RPGRIP1L: variants seen among roughly 807,000 people sequenced by gnomAD.
RPGRIP1L encodes RPGRIP1 like.
In RPGRIP1L, 131 loss-of-function variants were observed where a neutral mutation model predicts 160.4. That is an observed-to-expected ratio of 0.82 (90% CI 0.71 to 0.94). The LOEUF is 0.94. RPGRIP1L is among the 40% of genes least tolerant of loss of function. The pLI, the probability that RPGRIP1L is intolerant of heterozygous loss-of-function variation, is 0.00. For missense variants in RPGRIP1L, 1,522 were observed against 1,535.8 expected (o/e 0.99, Z 0.15); for synonymous variants, 510 against 515.8 (o/e 0.99, Z 0.15).
In RPGRIP1L at chr16:53,700,775, C is replaced by A. The variant is rs376431872; in HGVS notation, c.-7-45G>T. The A allele has an allele frequency of 4.7e-5, 68 of 1,434,562 alleles. No homozygotes were observed. In the African/African-American group the frequency reaches 6.4e-4, roughly 13 times the overall value. 88.9% of individuals were successfully genotyped at this position (1,434,562 alleles called of 1,614,324 possible). On this transcript the variant is annotated intron_variant, in intron 1 of 26. Coordinates refer to ENST00000647211, the MANE Select transcript of RPGRIP1L (RefSeq NM_015272.5). ...CAAATAAACTCTTTCCAAATTATTA[C>A]ATTAACTATGCAATGGAATGAACCA...
At chr16:53,641,704 T>C (rs773331790) in intron 17 of RPGRIP1L, among the ~76,000 whole-genome samples, 1 of 152,166 alleles carries the variant, frequency 6.6e-6, no homozygotes, top group African/African-American at 2.4e-5. Flanking sequence ...ATCTCTCAAG[T>C]AGATCTCCTT....
intron 9 of RPGRIP1L, among the ~76,000 whole-genome samples, chr16:53,665,668 AG>A (rs1968183823): frequency 6.6e-6 from 1 of 152,232 alleles, no homozygotes; most frequent in Non-Finnish European, 1.5e-5. Context: ...CCTCAATAAA[AG>A]TACAGCAGTT....
At chr16:53,670,841 T>C (rs1968656247) in intron 9 of RPGRIP1L, among the ~76,000 whole-genome samples, 1 of 152,146 alleles carries the variant, frequency 6.6e-6, no homozygotes, top group Admixed American at 6.5e-5. Context: ...ACCCCTGTAA[T>C]CTCAGCACTT....
chr16:53,653,779 A>T (rs551004581), intron 14 of RPGRIP1L, among the ~76,000 whole-genome samples: 14 of 152,112 alleles, frequency 9.2e-5, no homozygotes, highest in Non-Finnish European at 1.9e-4. Context: ...ACATATTCTC[A>T]TGAGTGATCT....
intron 6 of RPGRIP1L, among the ~76,000 whole-genome samples, chr16:53,685,460 C>T (rs1016913620): frequency 6.6e-6 from 1 of 152,090 alleles, no homozygotes; most frequent in South Asian, 2.1e-4. Flanking sequence ...GACCTAAATG[C>T]CCATCAATGA....
chr16:53,687,274 G>T (rs1970085937), intron 5 of RPGRIP1L, among the ~76,000 whole-genome samples: 2 of 152,088 alleles, frequency 1.3e-5, no homozygotes, highest in Non-Finnish European at 2.9e-5. Context: ...TCCAGGTGAA[G>T]GCTTAAAGTG....
At chr16:53,606,288 A>G (rs1306281105) in intron 25 of RPGRIP1L, among the ~76,000 whole-genome samples, 2 of 152,262 alleles carry the variant, frequency 1.3e-5, no homozygotes, top group Non-Finnish European at 2.9e-5. Flanking sequence ...TGCGGAGGCC[A>G]AATGCACTTG....
At chr16:53,651,864 A>G (rs1442562306) in intron 15 of RPGRIP1L, among the ~76,000 whole-genome samples, 1 of 151,942 alleles carries the variant, frequency 6.6e-6, no homozygotes, top group Non-Finnish European at 1.5e-5. Context: ...TAATAATTTC[A>G]TAAATAGCTT....
In RPGRIP1L at chr16:53,650,466, G is replaced by A. The variant is rs190765844; in HGVS notation, c.2153-1351C>T. On this transcript the variant is annotated intron_variant, in intron 15 of 26. Coordinates refer to ENST00000647211, the MANE Select transcript of RPGRIP1L (RefSeq NM_015272.5). ...AAGCTGGGTGTAGTGGCTCATGCCT[G>A]TAATCCCAGCACTTTGGGAGACTGA... is the stretch of plus-strand genomic sequence containing the variant. Among the ~76,000 whole-genome samples the A allele has an allele frequency of 2.2e-3, 332 of 152,292 alleles. 1 individual carries two copies. The highest frequency in any genetic ancestry group is 7.8e-3 in the African/African-American group (325 of 41,554).
chr16:53,689,986 C>A (rs1194210769), intron 4 of RPGRIP1L, among the ~76,000 whole-genome samples: 1 of 152,120 alleles, frequency 6.6e-6, no homozygotes, highest in Admixed American at 6.5e-5. Flanking sequence ...AGCAAACTCT[C>A]CTGTCTGAAC....
chr16:53,667,162 C>G (rs1344470158), intron 9 of RPGRIP1L, among the ~76,000 whole-genome samples: 1 of 152,124 alleles, frequency 6.6e-6, no homozygotes, highest in Non-Finnish European at 1.5e-5. Flanking sequence ...AGTCTTTGTA[C>G]ACATTTCACT....
At chr16:53,646,993 C>T (rs1324863832) in intron 16 of RPGRIP1L, among the ~76,000 whole-genome samples, 1 of 143,046 alleles carries the variant, frequency 7.0e-6, no homozygotes, top group African/African-American at 2.6e-5. Flanking sequence ...AAAGTACCTC[C>T]ACTTCTCCCC....
At position 53,600,834 on chromosome 16, in the gene RPGRIP1L, G is replaced by A. The variant is rs1963347446; in HGVS notation, c.*1242C>T. On this transcript the variant is annotated 3_prime_UTR_variant, in exon 27 of 27. Coordinates refer to ENST00000647211, the MANE Select transcript of RPGRIP1L (RefSeq NM_015272.5). Reference sequence around the variant, plus strand: ...AATGCCTAATTCTCTAAATGAAATGGTCTGTGATCACTGAAGCAGAGATTT... The same window carrying A: ...AATGCCTAATTCTCTAAATGAAATGATCTGTGATCACTGAAGCAGAGATTT... 6.6e-6 allele frequency: 1 copy of A among 152,526 alleles called. No individual in the cohort carries two copies. The highest frequency in any genetic ancestry group is 2.1e-4 in the South Asian group (1 of 4,820). The allele number at this position is 152,526 out of a possible 1,614,324, so 9.4% of individuals were successfully genotyped here. A position where few individuals can be genotyped will look rare whatever the true frequency, so the allele number is the denominator to read the frequency against.
chr16:53,638,529 C>T (rs1965988899), intron 19 of RPGRIP1L, 118 bp from the exon 20 acceptor site: 4 of 582,902 alleles, frequency 6.9e-6, no homozygotes, highest in South Asian at 6.8e-5. Flanking sequence ...AACAGTTACT[C>T]ATATGACACT....
In RPGRIP1L at chr16:53,616,624, T is replaced by TA. The variant is rs755223118; in HGVS notation, c.3616+2400dup. 9.9e-5 allele frequency among the ~76,000 whole-genome samples: 15 copies of TA among 152,202 alleles called. No individual in the cohort carries two copies. The East Asian group carries it at 1.9e-3, about 20-fold the overall frequency. On this transcript the variant is annotated intron_variant, in intron 24 of 26. Transcript: ENST00000647211. ...AATTTCATTAGATAGGAAGAGAAGC[T>TA]AAAAAAAGTATAGTAAACAGTTTTA...
At position 53,652,583 on chromosome 16, in the gene RPGRIP1L, C is replaced by T. The variant is rs199975230; in HGVS notation, c.2104G>A (p.Glu702Lys). The change falls in exon 15 of 27, where the codon GAA becomes AAA. Residue 702 changes from glutamate to lysine, a missense_variant. By Grantham distance (56) the Glu-to-Lys change is moderately conservative (BLOSUM62 1). Coordinates refer to ENST00000647211, the MANE Select transcript of RPGRIP1L (RefSeq NM_015272.5). ...TIAACQLKFHEILEKSGRIFC... is the reference protein window; with the variant it reads ...TIAACQLKFHKILEKSGRIFC... ...ATTCGGCCGCTTTTTTCAAGAATTT[C>T]GTGAAATTTTAATTGACATGCTGCA... 21 of 1,613,320 alleles carry T rather than the reference C, an allele frequency of 1.3e-5. No individual in the cohort carries two copies. Among genetic ancestry groups the T allele is most frequent in the Admixed American group, 5.0e-5 (3 of 59,956 alleles).
In RPGRIP1L at chr16:53,633,025, C is replaced by T. The variant is rs556559772; in HGVS notation, c.3294+3414G>A. ...GCTTCTTTTATGCCTGCCTGACACACGATGGATGCTAATAAATAAAGAATT... is the reference window on the plus strand; with the variant it reads ...GCTTCTTTTATGCCTGCCTGACACATGATGGATGCTAATAAATAAAGAATT... On this transcript the variant is annotated intron_variant, in intron 22 of 26. Coordinates refer to ENST00000647211, the MANE Select transcript of RPGRIP1L (RefSeq NM_015272.5). Among the ~76,000 whole-genome samples, 241 of 152,234 alleles carry T rather than the reference C, an allele frequency of 1.6e-3. 2 individuals are homozygous for T. The highest frequency in any genetic ancestry group is 3.1e-3 in the Admixed American group (47 of 15,282).
intron 8 of RPGRIP1L, among the ~76,000 whole-genome samples, chr16:53,671,799 T>C (rs758122499): frequency 2.0e-5 from 3 of 152,164 alleles, no homozygotes; most frequent in Non-Finnish European, 4.4e-5. Context: ...AATATTCCTG[T>C]TTTAATTTAG....
At chr16:53,666,174 T>C (rs1277845116) in intron 9 of RPGRIP1L, among the ~76,000 whole-genome samples, 1 of 152,174 alleles carries the variant, frequency 6.6e-6, no homozygotes, top group Non-Finnish European at 1.5e-5. Context: ...AAAGATACTT[T>C]TCTGGGAGGC....
Sources: allele counts gnomAD v4.1 joint callset (sites outside exome capture counted in the v4.1 genomes callset), GRCh38; gene constraint gnomAD v4.1.1; transcripts MANE v1.5; gene names NCBI Gene and HGNC (gene_info 2026-07-23, HGNC 2026-07-21).